ZNF521: variants seen among roughly 807,000 people sequenced by gnomAD.
The protein encoded by ZNF521 is zinc finger protein 521.
ZNF521 carries 14 observed loss-of-function variants against 105.5 expected under a neutral mutation model. That is an observed-to-expected ratio of 0.13 (90% CI 0.09 to 0.21). The LOEUF (loss-of-function observed/expected upper bound fraction) is 0.21. Ranked by LOEUF, ZNF521 falls within the 10% of genes least tolerant of loss-of-function variation. The probability of loss-of-function intolerance (pLI) is 1.00; values close to 1 mark genes in which losing one functional copy is unlikely to be tolerated. For missense variants in ZNF521, 1,233 were observed against 1,629.7 expected (o/e 0.76, Z 4.19); for synonymous variants, 635 against 606.0 (o/e 1.05, Z -0.70).
intron 3 of ZNF521, among the ~76,000 whole-genome samples, chr18:25,312,759 C>A (rs1912387818): frequency 2.6e-5 from 1 of 38,144 alleles, no homozygotes; most frequent in African/African-American, 1.0e-4. Context: ...TGCAGTGAGC[C>A]GAGATTGCGC....
chr18:25,075,230 G>A (rs1383417959), intron 7 of ZNF521, among the ~76,000 whole-genome samples: 1 of 151,006 alleles, frequency 6.6e-6, no homozygotes, highest in Non-Finnish European at 1.5e-5. Context: ...CCTCATGCTT[G>A]CTTCAGTGTT....
intron 5 of ZNF521, among the ~76,000 whole-genome samples, chr18:25,126,192 C>G (rs2034535545): frequency 6.6e-6 from 1 of 152,078 alleles, no homozygotes; most frequent in South Asian, 2.1e-4. Flanking sequence ...AAACAGGTCT[C>G]ACAAGCAATC....
chr18:25,321,729 T>C (rs914248607), intron 3 of ZNF521, among the ~76,000 whole-genome samples: 5 of 152,214 alleles, frequency 3.3e-5, no homozygotes, highest in African/African-American at 1.2e-4. Context: ...CCAATATTCA[T>C]GTTCTGCTCC....
At chr18:25,282,601 A>T (rs1429115011) in intron 3 of ZNF521, among the ~76,000 whole-genome samples, 2 of 152,126 alleles carry the variant, frequency 1.3e-5, no homozygotes, top group African/African-American at 4.8e-5. Flanking sequence ...GGCAATGTGG[A>T]TGTGCCAAAA....
intron 7 of ZNF521, among the ~76,000 whole-genome samples, chr18:25,084,528 C>A (rs1464171913): frequency 7.1e-6 from 1 of 140,254 alleles, no homozygotes; most frequent in Non-Finnish European, 1.7e-5. Context: ...CTCGGTATAT[C>A]CCTCAAATGT....
At chr18:25,229,210 C>T (rs545080790) in intron 3 of ZNF521, among the ~76,000 whole-genome samples, 1 of 152,290 alleles carries the variant, frequency 6.6e-6, no homozygotes, top group East Asian at 1.9e-4. Flanking sequence ...AGATTGTCAG[C>T]CTCTTCCTTA....
chr18:25,321,904 G>A, intron 3 of ZNF521, 104 bp downstream of exon 3: 1 of 1,133,860 alleles, frequency 8.8e-7, no homozygotes. Context: ...GTATTCAAAT[G>A]TAGGAATAAA....
At chr18:25,193,098 A>G (rs1453979190) in intron 5 of ZNF521, among the ~76,000 whole-genome samples, 1 of 152,138 alleles carries the variant, frequency 6.6e-6, no homozygotes, top group Non-Finnish European at 1.5e-5. Context: ...TAAGTGTCTT[A>G]TTAATCCACT....
At chr18:25,278,186 T>C (rs1910151924) in intron 3 of ZNF521, among the ~76,000 whole-genome samples, 1 of 152,200 alleles carries the variant, frequency 6.6e-6, no homozygotes, top group African/African-American at 2.4e-5. Flanking sequence ...TACCCAAAAA[T>C]GTGGTAATTC....
At chr18:25,076,925 G>C (rs1427015632) in intron 7 of ZNF521, among the ~76,000 whole-genome samples, 4 of 152,256 alleles carry the variant, frequency 2.6e-5, no homozygotes, top group Non-Finnish European at 4.4e-5. Context: ...CCAACGGAGG[G>C]AGAAGAAACA....
At chr18:25,160,207 A>C (rs1455237357) in intron 5 of ZNF521, among the ~76,000 whole-genome samples, 1 of 152,172 alleles carries the variant, frequency 6.6e-6, no homozygotes, top group African/African-American at 2.4e-5. Context: ...ACATTAAATG[A>C]AAAAGTCATG....
intron 3 of ZNF521, among the ~76,000 whole-genome samples, chr18:25,274,451 T>C (rs1387384233): frequency 6.6e-6 from 1 of 152,206 alleles, no homozygotes; most frequent in Non-Finnish European, 1.5e-5. Context: ...ATGCAGACTA[T>C]TACCATACTG....
At chr18:25,175,861 T>C (rs189435566) in intron 5 of ZNF521, among the ~76,000 whole-genome samples, 88 of 152,342 alleles carry the variant, frequency 5.8e-4, no homozygotes, top group Non-Finnish European at 1.0e-3. Context: ...GAAAGTTTCC[T>C]AGGACTTCGA....
chr18:25,244,219 CAGA>C (rs1907545116), intron 3 of ZNF521, among the ~76,000 whole-genome samples: 1 of 152,098 alleles, frequency 6.6e-6, no homozygotes, highest in Admixed American at 6.6e-5. Context: ...TCTGCCAGTG[CAGA>C]AGTTCTCCTG....
rs747129379 is a variant in ZNF521 at position 25,062,693 on chromosome 18, T to C, written c.*19A>G. The C allele has an allele frequency of 3.2e-6, 5 of 1,566,186 alleles. No individual in the cohort carries two copies. Among genetic ancestry groups the C allele is most frequent in the Admixed American group, 1.9e-5 (1 of 53,360 alleles). Reference sequence around the variant, plus strand: ...TTTTGTGCCACAAAATCAATTCTCCTTGAGAGACTGTACTTGCACTAACTG... The same window carrying C: ...TTTTGTGCCACAAAATCAATTCTCCCTGAGAGACTGTACTTGCACTAACTG... On this transcript the variant is annotated 3_prime_UTR_variant, in exon 8 of 8. Transcript: ENST00000361524.
intron 3 of ZNF521, among the ~76,000 whole-genome samples, chr18:25,273,265 T>C (rs1417640604): frequency 9.2e-6 from 1 of 108,228 alleles, no homozygotes; most frequent in Non-Finnish European, 2.0e-5. Flanking sequence ...ATTTTAAATA[T>C]CTGCAACATT....
chr18:25,086,638 T>C (rs915332426), intron 7 of ZNF521, among the ~76,000 whole-genome samples: 2 of 152,148 alleles, frequency 1.3e-5, no homozygotes, highest in Admixed American at 6.5e-5. Context: ...TCACCATAAA[T>C]ACTGTTCTTA....
At chr18:25,298,228 T>C (rs1047879883) in intron 3 of ZNF521, among the ~76,000 whole-genome samples, 4 of 152,198 alleles carry the variant, frequency 2.6e-5, no homozygotes, top group Non-Finnish European at 4.4e-5. Context: ...ATAGAAGTCA[T>C]TGAACTATAC....
At chr18:25,233,977 C>G (rs1417393531) in intron 3 of ZNF521, among the ~76,000 whole-genome samples, 1 of 152,188 alleles carries the variant, frequency 6.6e-6, no homozygotes, top group Non-Finnish European at 1.5e-5. Flanking sequence ...GCAGTTCACA[C>G]TTAACTCCAC....
Sources: allele counts gnomAD v4.1 joint callset (sites outside exome capture counted in the v4.1 genomes callset), GRCh38; gene constraint gnomAD v4.1.1; transcripts MANE v1.5; gene names NCBI Gene and HGNC (gene_info 2026-07-23, HGNC 2026-07-21).